Variants in TBCA observed in about 807,000 individuals in gnomAD.
TBCA encodes the protein tubulin folding cofactor A, also known as tubulin-specific chaperone A.
In TBCA, 6 loss-of-function variants were observed where a neutral mutation model predicts 15.8. The observed-to-expected ratio is 0.38, with a 90% CI of 0.21 to 0.75. The LOEUF (loss-of-function observed/expected upper bound fraction) is 0.75. TBCA is among the 30% of genes least tolerant of loss of function. TBCA has a pLI of 0.46. For synonymous variants in TBCA, 32 were observed against 42.3 expected, an observed-to-expected ratio of 0.76 and a Z score of 0.94; for missense variants, 90 against 131.2, an observed-to-expected ratio of 0.69 and a Z score of 1.53.
In TBCA at chr5:77,691,378, C is replaced by A. The variant is rs1745745536; in HGVS notation, c.*40G>T. The A allele has an allele frequency of 2.6e-6, 4 of 1,542,058 alleles. No individual in the cohort carries two copies. In the African/African-American group the frequency reaches 4.1e-5, roughly 16 times the overall value. ...AAAATAATGGATTGTAAAATGGACC[C>A]CAGGATTTAATGCAAAAACCACCCC... On this transcript the variant is annotated 3_prime_UTR_variant, in exon 4 of 4. Transcript: ENST00000380377.
At chr5:77,765,324 G>A (rs1580138132) in intron 1 of TBCA, among the ~76,000 whole-genome samples, 2 of 152,202 alleles carry the variant, frequency 1.3e-5, no homozygotes, top group Non-Finnish European at 2.9e-5. Context: ...ATGGGTGTTA[G>A]GGACCCCAAG....
chr5:77,708,099 GT>G (rs1746189274), intron 2 of TBCA, 142 bp downstream of exon 2: 8 of 579,254 alleles, frequency 1.4e-5, no homozygotes, highest in South Asian at 5.3e-5. Context: ...CTGTGTTTGA[GT>G]TTCCTTATCT....
At chr5:77,769,015 G>A (rs942623581) in intron 1 of TBCA, among the ~76,000 whole-genome samples, 5 of 152,212 alleles carry the variant, frequency 3.3e-5, no homozygotes, top group Admixed American at 1.3e-4. Flanking sequence ...TCAACCTGGA[G>A]AATAAAATAC....
intron 1 of TBCA, among the ~76,000 whole-genome samples, chr5:77,772,661 T>C (rs2112522814): frequency 6.8e-6 from 1 of 147,318 alleles, no homozygotes; most frequent in East Asian, 1.9e-4. Flanking sequence ...TAGGGGTTTT[T>C]CTTTAATTGC....
intron 1 of TBCA, among the ~76,000 whole-genome samples, chr5:77,774,810 G>A (rs148674504): frequency 2.6e-5 from 4 of 152,084 alleles, no homozygotes; most frequent in Admixed American, 2.6e-4. Context: ...TACTTTCTTG[G>A]TTTACAGGAA....
intron 1 of TBCA, among the ~76,000 whole-genome samples, chr5:77,717,268 C>T (rs1468887847): frequency 1.3e-5 from 2 of 152,160 alleles, no homozygotes; most frequent in Non-Finnish European, 2.9e-5. Flanking sequence ...GAAGCTAAAA[C>T]ATCTAAAATG....
At chr5:77,738,826 G>A (rs942777732) in intron 1 of TBCA, among the ~76,000 whole-genome samples, 5 of 151,926 alleles carry the variant, frequency 3.3e-5, no homozygotes, top group African/African-American at 1.2e-4. Flanking sequence ...CAGGTGATCC[G>A]CCTGCCTCAG....
At chr5:77,695,061 T>C (rs1034608514) in intron 2 of TBCA, among the ~76,000 whole-genome samples, 1 of 152,186 alleles carries the variant, frequency 6.6e-6, no homozygotes, top group African/African-American at 2.4e-5. Flanking sequence ...TCCTTTCCTA[T>C]GGAATTCCCT....
At chr5:77,722,562 T>A (rs1746550109) in intron 1 of TBCA, among the ~76,000 whole-genome samples, 1 of 152,010 alleles carries the variant, frequency 6.6e-6, no homozygotes, top group Non-Finnish European at 1.5e-5. Context: ...TTTCACATAA[T>A]CACAGCTTTT....
chr5:77,740,370 A>G (rs913177050), intron 1 of TBCA, among the ~76,000 whole-genome samples: 1 of 152,220 alleles, frequency 6.6e-6, no homozygotes, highest in East Asian at 1.9e-4. Context: ...GGCCAGGAAG[A>G]CAAGGGGAGA....
At chr5:77,714,029 T>C (rs1297874065) in intron 1 of TBCA, among the ~76,000 whole-genome samples, 1 of 149,438 alleles carries the variant, frequency 6.7e-6, no homozygotes, top group Non-Finnish European at 1.5e-5. Context: ...ACCCCATCTA[T>C]GTACATTAAG....
intron 1 of TBCA, among the ~76,000 whole-genome samples, chr5:77,747,987 A>G (rs1422338982): frequency 6.6e-6 from 1 of 152,210 alleles, no homozygotes; most frequent in African/African-American, 2.4e-5. Flanking sequence ...ATCTTCTCAG[A>G]AACTAAAGCA....
intron 2 of TBCA, among the ~76,000 whole-genome samples, chr5:77,697,013 T>C (rs908998103): frequency 6.6e-5 from 10 of 152,198 alleles, no homozygotes; most frequent in African/African-American, 2.4e-4. Context: ...GATGTTACAT[T>C]ATCATAAAAT....
intron 1 of TBCA, among the ~76,000 whole-genome samples, chr5:77,762,680 G>A (rs988920450): frequency 2.0e-5 from 3 of 152,196 alleles, no homozygotes; most frequent in African/African-American, 7.2e-5. Flanking sequence ...GAAAAACAGA[G>A]CACCAAGAGG....
intron 1 of TBCA, among the ~76,000 whole-genome samples, chr5:77,744,531 CTTT>C (rs70991305): frequency 1.1e-4 from 9 of 82,960 alleles, no homozygotes; most frequent in Non-Finnish European, 1.3e-4. Flanking sequence ...TCTTATTCAC[CTTT>C]TTTTTTTTTT....
chr5:77,773,641 G>C (rs1747959507), intron 1 of TBCA, among the ~76,000 whole-genome samples: 1 of 152,158 alleles, frequency 6.6e-6, no homozygotes, highest in Non-Finnish European at 1.5e-5. Context: ...TACTCACATG[G>C]TCTCCTTATT....
chr5:77,769,217 T>C (rs1747849064), intron 1 of TBCA, among the ~76,000 whole-genome samples: 1 of 152,190 alleles, frequency 6.6e-6, no homozygotes, highest in African/African-American at 2.4e-5. Flanking sequence ...GAGAACTGAA[T>C]ACATTACACA....
Position 77,730,333 on chromosome 5 carries a change from C to A in TBCA, c.54-21986G>T, listed in dbSNP as rs566415855. 4.6e-5 allele frequency among the ~76,000 whole-genome samples: 7 copies of A among 152,264 alleles called. No homozygotes were observed. In the South Asian group the frequency reaches 1.5e-3, roughly 32 times the overall value. On this transcript the variant is annotated intron_variant, in intron 1 of 3. Transcript: ENST00000380377. ...GATAGAGATTGGAGTTATGCTGCCA[C>A]AAACCAAGGAATACCAAACATCACT... is the stretch of plus-strand genomic sequence containing the variant.
chr5:77,745,993 A>G (rs1459771758), intron 1 of TBCA, among the ~76,000 whole-genome samples: 3 of 152,246 alleles, frequency 2.0e-5, no homozygotes, highest in African/African-American at 4.8e-5. Context: ...TTAGTTGTTG[A>G]TATCTTCAAG....
Sources: allele counts gnomAD v4.1 joint callset (sites outside exome capture counted in the v4.1 genomes callset), GRCh38; gene constraint gnomAD v4.1.1; transcripts MANE v1.5; gene names NCBI Gene and HGNC (gene_info 2026-07-23, HGNC 2026-07-21).